Variants in SPAG16 observed in about 807,000 individuals in gnomAD.
The protein encoded by SPAG16 is sperm-associated antigen 16 protein.
In SPAG16, 86 loss-of-function variants were observed where a neutral mutation model predicts 80.4. That is an observed-to-expected ratio of 1.07 (90% CI 0.90 to 1.28). The LOEUF (loss-of-function observed/expected upper bound fraction) is 1.28. Ranked by LOEUF, SPAG16 falls within the 50% of genes most tolerant of loss-of-function variation. The pLI is 0.00. For synonymous variants in SPAG16, 294 were observed against 265.9 expected, an observed-to-expected ratio of 1.11 and a Z score of -1.03; for missense variants, 870 against 765.3, an observed-to-expected ratio of 1.14 and a Z score of -1.61.
chr2:213,794,041 CTT>C (rs879277375), intron 10 of SPAG16, among the ~76,000 whole-genome samples: 3 of 152,062 alleles, frequency 2.0e-5, no homozygotes, highest in Non-Finnish European at 4.4e-5. Flanking sequence ...ACTTTAGAAA[CTT>C]TTCAACCTTT....
rs370370546 is a variant in SPAG16, at chr2:214,131,666, A to G, written c.1594-17474A>G. ...CTATTAAGCCATGAAAAGAGATGGC[A>G]TAAACTTAAATGCACATTACTAAGT... On this transcript the variant is annotated intron_variant, in intron 14 of 15. Transcript: ENST00000331683. Among the ~76,000 whole-genome samples, 3 of 152,178 alleles carry G rather than the reference A, an allele frequency of 2.0e-5. No homozygotes were observed. In the East Asian group the frequency reaches 5.8e-4, roughly 29 times the overall value.
intron 12 of SPAG16, among the ~76,000 whole-genome samples, chr2:213,983,944 A>G (rs1458901320): frequency 6.6e-6 from 1 of 152,078 alleles, no homozygotes; most frequent in Non-Finnish European, 1.5e-5. Flanking sequence ...TGCCCTTATC[A>G]TATACATCAT....
At chr2:213,770,182 G>A (rs1193224998) in intron 10 of SPAG16, among the ~76,000 whole-genome samples, 1 of 152,030 alleles carries the variant, frequency 6.6e-6, no homozygotes, top group Non-Finnish European at 1.5e-5. Flanking sequence ...TTCCAGCTTG[G>A]GGCTATTAGG....
At chr2:214,235,917 T>A (rs1287773007) in intron 15 of SPAG16, among the ~76,000 whole-genome samples, 1 of 152,210 alleles carries the variant, frequency 6.6e-6, no homozygotes, top group Non-Finnish European at 1.5e-5. Flanking sequence ...TGTGTCTATC[T>A]CTTAGCTTAT....
intron 1 of SPAG16, among the ~76,000 whole-genome samples, chr2:213,287,915 A>AT (rs1265457771): frequency 1.3e-5 from 2 of 152,072 alleles, no homozygotes; most frequent in South Asian, 2.1e-4. Context: ...AAAAATTATT[A>AT]TTTTTTTAGA....
At chr2:213,942,368 A>G (rs1024514650) in intron 12 of SPAG16, among the ~76,000 whole-genome samples, 4 of 152,178 alleles carry the variant, frequency 2.6e-5, no homozygotes, top group African/African-American at 4.8e-5. Flanking sequence ...CCTCCTCCAT[A>G]TTCAAATCCC....
At chr2:213,479,287 C>T (rs1206624810) in intron 9 of SPAG16, among the ~76,000 whole-genome samples, 1 of 152,036 alleles carries the variant, frequency 6.6e-6, no homozygotes, top group South Asian at 2.1e-4. Context: ...TGTATAATTT[C>T]ATACATCATG....
At chr2:213,963,352 T>G (rs2044550657) in intron 12 of SPAG16, among the ~76,000 whole-genome samples, 1 of 152,148 alleles carries the variant, frequency 6.6e-6, no homozygotes, top group Non-Finnish European at 1.5e-5. Context: ...CAAATTTCAT[T>G]AAGTGATTGA....
intron 9 of SPAG16, among the ~76,000 whole-genome samples, chr2:213,417,314 A>G (rs1470861713): frequency 6.6e-6 from 1 of 152,242 alleles, no homozygotes; most frequent in African/African-American, 2.4e-5. Flanking sequence ...GAATGTTATC[A>G]GGGCTTTTGC....
At chr2:213,970,801 T>C (rs2045004538) in intron 12 of SPAG16, among the ~76,000 whole-genome samples, 1 of 152,144 alleles carries the variant, frequency 6.6e-6, no homozygotes, top group Non-Finnish European at 1.5e-5. Flanking sequence ...GAATGCAAAA[T>C]AAAAATGTAT....
At chr2:214,247,822 A>G (rs1198482736) in intron 15 of SPAG16, among the ~76,000 whole-genome samples, 1 of 152,124 alleles carries the variant, frequency 6.6e-6, no homozygotes, top group African/African-American at 2.4e-5. Flanking sequence ...GCTTGAGGTC[A>G]GAAGTTTGAG....
intron 10 of SPAG16, among the ~76,000 whole-genome samples, chr2:213,653,132 G>A (rs1332379901): frequency 1.3e-5 from 2 of 151,958 alleles, no homozygotes; most frequent in African/African-American, 2.4e-5. Flanking sequence ...TTACAGCTCC[G>A]GGATATGGAT....
At chr2:214,113,485 A>G (rs1310912208) in intron 14 of SPAG16, among the ~76,000 whole-genome samples, 1 of 152,192 alleles carries the variant, frequency 6.6e-6, no homozygotes, top group Non-Finnish European at 1.5e-5. Context: ...GTCTTTTCAC[A>G]TAGTCCCATA....
intron 10 of SPAG16, among the ~76,000 whole-genome samples, chr2:213,537,371 A>G (rs1196643622): frequency 6.6e-6 from 1 of 152,160 alleles, no homozygotes; most frequent in African/African-American, 2.4e-5. Flanking sequence ...TAATGATTGA[A>G]CTTTAAATAT....
intron 15 of SPAG16, among the ~76,000 whole-genome samples, chr2:214,193,963 T>A (rs994876874): frequency 2.0e-5 from 3 of 152,110 alleles, no homozygotes; most frequent in Admixed American, 6.6e-5. Context: ...ACCATTCAGA[T>A]GCACCTTTGC....
chr2:213,991,773 C>T (rs1368780547), intron 12 of SPAG16, among the ~76,000 whole-genome samples: 1 of 152,160 alleles, frequency 6.6e-6, no homozygotes, highest in African/African-American at 2.4e-5. Context: ...AAGCAACACA[C>T]TGAGCTGTAA....
At chr2:213,378,711 A>G (rs1157229310) in intron 9 of SPAG16, among the ~76,000 whole-genome samples, 1 of 152,166 alleles carries the variant, frequency 6.6e-6, no homozygotes, top group Non-Finnish European at 1.5e-5. Flanking sequence ...ACCTTGTTCT[A>G]TCTATTCTGT....
chr2:213,814,035 G>A (rs371634753), intron 10 of SPAG16, among the ~76,000 whole-genome samples: 9 of 152,206 alleles, frequency 5.9e-5, no homozygotes, highest in Admixed American at 3.3e-4. Context: ...GAGAGAGATC[G>A]GTAGGGTGAG....
intron 9 of SPAG16, among the ~76,000 whole-genome samples, chr2:213,440,652 G>A (rs1183558721): frequency 6.6e-6 from 1 of 152,158 alleles, no homozygotes; most frequent in Non-Finnish European, 1.5e-5. Flanking sequence ...TTCATGAGAA[G>A]TGTGGTACTA....
Sources: gnomAD v4.1 joint callset for allele counts (sites outside exome capture counted in the v4.1 genomes callset) on GRCh38, gnomAD v4.1.1 for gene constraint, MANE v1.5 for transcripts, NCBI Gene and HGNC (gene_info 2026-07-23, HGNC 2026-07-21) for gene names.